The following FMN1 variants were observed in gnomAD, a reference collection of about 807,000 sequenced individuals.
The protein encoded by FMN1 is formin-1.
Under a neutral mutation model 132.4 loss-of-function variants are expected in FMN1, and 110 were observed. That is an observed-to-expected ratio of 0.83 (90% CI 0.71 to 0.97). FMN1 has a LOEUF of 0.97. FMN1 is among the 50% of genes least tolerant of loss of function. FMN1 has a pLI of 0.00. For synonymous variants in FMN1, 722 were observed against 651.7 expected (o/e 1.11, Z -1.64); for missense variants, 1,792 against 1,705.3 (o/e 1.05, Z -0.90).
intron 6 of FMN1, among the ~76,000 whole-genome samples, chr15:33,047,683 T>C (rs1315607320): frequency 6.6e-6 from 1 of 152,206 alleles, no homozygotes; most frequent in Non-Finnish European, 1.5e-5. Context: ...GAAATGACTT[T>C]GAAGACTCCC....
Position 32,857,061 on chromosome 15 carries a change from C to T in FMN1, c.3882G>A (p.Glu1294=), listed in dbSNP as rs116455579. 1,333 of 1,613,956 alleles carry T rather than the reference C, an allele frequency of 8.3e-4. 8 individuals are homozygous for T. The African/African-American group carries it at 0.016, about 19-fold the overall frequency. Reference sequence around the variant, plus strand: ...GTTTGTCCTTGAAAGGCTGGAGATACTCCTTTGGGGACTCCTTGCACACCA... The same window carrying T: ...GTTTGTCCTTGAAAGGCTGGAGATATTCCTTTGGGGACTCCTTGCACACCA... ...MVVVCKESPK[E]YLQPFKDKLE... The change falls in exon 17 of 21, where the codon GAG becomes GAA. Residue 1294 remains glutamate (E), a synonymous_variant. Coordinates refer to ENST00000616417, the MANE Select transcript of FMN1 (RefSeq NM_001277313.2).
intron 6 of FMN1, among the ~76,000 whole-genome samples, chr15:33,031,436 TG>T (rs2035933918): frequency 1.3e-5 from 2 of 152,182 alleles, no homozygotes; most frequent in African/African-American, 4.8e-5. Context: ...CCCCAATTAG[TG>T]GTTTCCTGAA....
intron 12 of FMN1, among the ~76,000 whole-genome samples, chr15:32,905,469 G>A (rs1415734710): frequency 2.0e-5 from 3 of 152,182 alleles, no homozygotes; most frequent in Non-Finnish European, 4.4e-5. Flanking sequence ...TGAGAAGTGT[G>A]TACCAGGCCT....
Position 32,803,961 on chromosome 15 carries a change from C to T in FMN1, c.3980+320G>A, listed in dbSNP as rs1445126675. Among the ~76,000 whole-genome samples the T allele has an allele frequency of 3.9e-5, 6 of 152,262 alleles. No individual in the cohort carries two copies. In the South Asian group the frequency reaches 1.0e-3, roughly 26 times the overall value. On this transcript the variant is annotated intron_variant, in intron 18 of 20. Coordinates refer to ENST00000616417, the MANE Select transcript of FMN1 (RefSeq NM_001277313.2). Reference sequence around the variant, plus strand: ...TGCTTATGGATGCATAGTCTTAACACATGGGGCCGAAAGTAGGGCTAGTCA... The same window carrying T: ...TGCTTATGGATGCATAGTCTTAACATATGGGGCCGAAAGTAGGGCTAGTCA...
chr15:32,856,019 A>G (rs1443643561), intron 17 of FMN1, among the ~76,000 whole-genome samples: 2 of 152,194 alleles, frequency 1.3e-5, no homozygotes, highest in Non-Finnish European at 2.9e-5. Flanking sequence ...ACAACCTTTC[A>G]TCATGGAGAA....
intron 6 of FMN1, among the ~76,000 whole-genome samples, chr15:33,058,691 G>GC: frequency 6.6e-6 from 1 of 152,304 alleles, no homozygotes; most frequent in Middle Eastern, 3.4e-3. Context: ...AGCCAGGATG[G>GC]CCTCATATGC....
At chr15:33,106,427 ACAT>A (rs1265364783) in intron 4 of FMN1, among the ~76,000 whole-genome samples, 2 of 152,006 alleles carry the variant, frequency 1.3e-5, no homozygotes, top group Admixed American at 6.6e-5. Context: ...AAGTGTATAA[ACAT>A]CATTTAAATC....
chr15:32,999,146 C>T (rs2033947597), intron 7 of FMN1, among the ~76,000 whole-genome samples: 1 of 152,080 alleles, frequency 6.6e-6, no homozygotes, highest in Non-Finnish European at 1.5e-5. Flanking sequence ...AGGGGAATAC[C>T]ATAAGGGTTT....
At chr15:32,930,651 TC>T (rs748533262) in intron 9 of FMN1, among the ~76,000 whole-genome samples, 5 of 152,060 alleles carry the variant, frequency 3.3e-5, no homozygotes, top group Non-Finnish European at 7.4e-5. Flanking sequence ...GTTGATTGTT[TC>T]CTTTGCTGAG....
At chr15:32,991,422 T>C (rs2033426617) in intron 7 of FMN1, among the ~76,000 whole-genome samples, 1 of 152,128 alleles carries the variant, frequency 6.6e-6, no homozygotes, top group Non-Finnish European at 1.5e-5. Context: ...ACTTGACAAA[T>C]ATTACCCTAC....
At chr15:32,846,616 T>C (rs1462564747) in intron 17 of FMN1, among the ~76,000 whole-genome samples, 3 of 152,216 alleles carry the variant, frequency 2.0e-5, no homozygotes, top group Non-Finnish European at 4.4e-5. Flanking sequence ...TTGGTGGGAA[T>C]GTAAATTAGT....
Position 32,875,602 on chromosome 15 carries a change from AG to A in FMN1, c.3835+12569del, listed in dbSNP as rs376411944. 1.4e-4 allele frequency among the ~76,000 whole-genome samples: 22 copies of A among 152,260 alleles called. No individual in the cohort carries two copies. In the East Asian group the frequency reaches 4.3e-3, roughly 29 times the overall value. Reference sequence around the variant, plus strand: ...CCCTATCCACCTAGGAGCCACGCTGAGGTTGAGCTATCTGGGAAAGAATCTA... The same window carrying A: ...CCCTATCCACCTAGGAGCCACGCTGAGTTGAGCTATCTGGGAAAGAATCTA... On this transcript the variant is annotated intron_variant, in intron 16 of 20. Coordinates refer to ENST00000616417, the MANE Select transcript of FMN1 (RefSeq NM_001277313.2).
intron 4 of FMN1, among the ~76,000 whole-genome samples, chr15:33,114,585 G>GTC: frequency 6.6e-6 from 1 of 152,210 alleles, no homozygotes; most frequent in African/African-American, 2.4e-5. Flanking sequence ...GCAAACGCGA[G>GTC]TCTCTCCTCG....
intron 5 of FMN1, among the ~76,000 whole-genome samples, chr15:33,077,478 T>G (rs1181900259): frequency 6.6e-6 from 1 of 151,878 alleles, no homozygotes; most frequent in Non-Finnish European, 1.5e-5. Flanking sequence ...ACTCGTCATT[T>G]ACCTTAGGTA....
At chr15:32,827,815 G>C (rs1046451399) in intron 17 of FMN1, among the ~76,000 whole-genome samples, 1 of 151,408 alleles carries the variant, frequency 6.6e-6, no homozygotes, top group Non-Finnish European at 1.5e-5. Flanking sequence ...CTGCACTCCA[G>C]CCTGGGTGAC....
intron 4 of FMN1, among the ~76,000 whole-genome samples, chr15:33,100,783 T>C (rs1277316711): frequency 6.6e-6 from 1 of 152,172 alleles, no homozygotes; most frequent in Non-Finnish European, 1.5e-5. Flanking sequence ...CTATTACAAA[T>C]ATACAAGGTA....
chr15:32,918,968 T>C (rs1012841672), intron 10 of FMN1, among the ~76,000 whole-genome samples: 5 of 152,158 alleles, frequency 3.3e-5, no homozygotes, highest in Non-Finnish European at 7.4e-5. Context: ...AAGGAAAATA[T>C]TAGAGTGACT....
chr15:32,944,744 C>T (rs1011690355), intron 9 of FMN1, among the ~76,000 whole-genome samples: 1 of 151,588 alleles, frequency 6.6e-6, no homozygotes, highest in Non-Finnish European at 1.5e-5. Flanking sequence ...ATGCGGAGGC[C>T]ACAGCAGGTG....
chr15:33,152,800 A>AAAAAAAAG (rs1333581285), intron 4 of FMN1, among the ~76,000 whole-genome samples: 2 of 151,112 alleles, frequency 1.3e-5, no homozygotes, highest in Non-Finnish European at 3.0e-5. Context: ...AAAAAAAAAA[A>AAAAAAAAG]AAAGAAAGAA....
Sources: allele counts gnomAD v4.1 joint callset (sites outside exome capture counted in the v4.1 genomes callset), GRCh38; gene constraint gnomAD v4.1.1; transcripts MANE v1.5; gene names NCBI Gene and HGNC (gene_info 2026-07-23, HGNC 2026-07-21).